The following MAP7 variants were observed in gnomAD, a reference collection of about 807,000 sequenced individuals.
The protein encoded by MAP7 is ensconsin.
A neutral mutation model predicts 94.8 loss-of-function variants in MAP7; 52 were observed. The ratio of observed to expected loss-of-function variants is 0.55; its 90% CI spans 0.44 to 0.69. The LOEUF is 0.69. Ranked by LOEUF, MAP7 falls within the 30% of genes least tolerant of loss-of-function variation. The probability of loss-of-function intolerance (pLI) is 0.00; values close to 1 mark genes in which losing one functional copy is unlikely to be tolerated. For synonymous variants in MAP7, 350 were observed against 357.0 expected (o/e 0.98, Z 0.22); for missense variants, 940 against 964.6 (o/e 0.97, Z 0.34).
At chr6:136,363,359 T>C (rs1793380554) in intron 10 of MAP7, among the ~76,000 whole-genome samples, 1 of 152,236 alleles carries the variant, frequency 6.6e-6, no homozygotes, top group African/African-American at 2.4e-5. Flanking sequence ...AGCCCCACAC[T>C]GATGCTCACA....
chr6:136,397,617 C>T (rs377571856), intron 3 of MAP7, among the ~76,000 whole-genome samples: 51 of 152,034 alleles, frequency 3.4e-4, no homozygotes, highest in African/African-American at 1.1e-3. Context: ...AGATGGCACC[C>T]TAACCTAACA....
chr6:136,445,391 G>A (rs1329009174), intron 1 of MAP7, among the ~76,000 whole-genome samples: 2 of 152,084 alleles, frequency 1.3e-5, no homozygotes, highest in East Asian at 3.9e-4. Context: ...ACTGTCCCTA[G>A]CCCAGATCCC....
At chr6:136,410,601 A>C (rs1787147555) in intron 3 of MAP7, among the ~76,000 whole-genome samples, 2 of 152,236 alleles carry the variant, frequency 1.3e-5, no homozygotes, top group African/African-American at 4.8e-5. Context: ...ATGCCTAAAA[A>C]ACCTCAGAAG....
At chr6:136,366,085 C>T (rs1419876038) in intron 9 of MAP7, 67 bp from the exon 10 acceptor site, 12 of 1,494,750 alleles carry the variant, frequency 8.0e-6, no homozygotes, top group South Asian at 1.2e-5. Context: ...GAACCTAGAA[C>T]ACGACTCGAT....
chr6:136,437,456 C>T lies in MAP7; in HGVS notation c.68-15657G>A, dbSNP rs796615525. ...TTCTTTCCCTAGGGTACAGCTAACA[C>T]CGGTTCCATCAGGAGCTCCCGAAAG... On this transcript the variant is annotated intron_variant, in intron 1 of 17. Transcript: ENST00000354570. Among the ~76,000 whole-genome samples, 5 of 152,178 alleles carry T rather than the reference C, an allele frequency of 3.3e-5. No homozygotes were observed. The South Asian group carries it at 8.3e-4, about 25-fold the overall frequency.
At chr6:136,418,371 T>C (rs1427329987) in intron 2 of MAP7, among the ~76,000 whole-genome samples, 1 of 152,132 alleles carries the variant, frequency 6.6e-6, no homozygotes, top group Non-Finnish European at 1.5e-5. Flanking sequence ...CGCACTACCA[T>C]GCCTGGCTAA....
At chr6:136,504,431 C>A (rs1171325250) in intron 1 of MAP7, among the ~76,000 whole-genome samples, 1 of 152,046 alleles carries the variant, frequency 6.6e-6, no homozygotes, top group Non-Finnish European at 1.5e-5. Flanking sequence ...TCACTGCAAC[C>A]TCCACGTCCT....
chr6:136,413,937 TA>T (rs1788339463), intron 2 of MAP7, among the ~76,000 whole-genome samples: 1 of 151,836 alleles, frequency 6.6e-6, no homozygotes, highest in South Asian at 2.1e-4. Flanking sequence ...TGAACAAGAC[TA>T]GGGGATGGTT....
intron 7 of MAP7, among the ~76,000 whole-genome samples, chr6:136,375,652 C>A (rs1454596950): frequency 2.6e-5 from 4 of 152,114 alleles, no homozygotes; most frequent in Non-Finnish European, 5.9e-5. Context: ...TTTTAAAAAA[C>A]CCCAGGAATT....
chr6:136,493,121 CTTT>C (rs397795796), intron 1 of MAP7, among the ~76,000 whole-genome samples: 2 of 123,334 alleles, frequency 1.6e-5, no homozygotes, highest in Non-Finnish European at 1.7e-5. Flanking sequence ...TTCTTCTTTC[CTTT>C]TTTTTTTTTT....
intron 1 of MAP7, among the ~76,000 whole-genome samples, chr6:136,505,291 A>G (rs1355621642): frequency 8.6e-4 from 110 of 127,498 alleles, no homozygotes; most frequent in Non-Finnish European, 1.3e-3. Context: ...ATATATATAT[A>G]TATATATATA....
intron 8 of MAP7, among the ~76,000 whole-genome samples, chr6:136,368,170 G>A (rs993083954): frequency 6.6e-6 from 1 of 151,790 alleles, no homozygotes; most frequent in East Asian, 1.9e-4. Context: ...AAAAACACTC[G>A]ATACTTAACA....
chr6:136,498,965 G>A (rs1462869742), intron 1 of MAP7, among the ~76,000 whole-genome samples: 1 of 152,052 alleles, frequency 6.6e-6, no homozygotes, highest in Non-Finnish European at 1.5e-5. Context: ...CTGGAGTGCA[G>A]TGGCATGATT....
chr6:136,365,876 C>T lies in MAP7; in HGVS notation c.1132G>A (p.Val378Met), dbSNP rs1794163780. The change falls in exon 10 of 18, where the codon GTG becomes ATG. Residue 378 changes from valine (V) to methionine (M), a missense_variant. Coordinates refer to ENST00000354570, the MANE Select transcript of MAP7 (RefSeq NM_003980.6). ...NIRPVKREVK[V>M]EPEKKDPEKE... ...TCAGGATCTTTCTTCTCAGGCTCCA[C>T]TTTGACTTCCCTCTTGACAGGGCGG... 1 of 1,614,158 alleles carries T rather than the reference C, an allele frequency of 6.2e-7. No individual in the cohort carries two copies.
chr6:136,471,183 T>C (rs1004999986), intron 1 of MAP7, among the ~76,000 whole-genome samples: 3 of 152,170 alleles, frequency 2.0e-5, no homozygotes, highest in Non-Finnish European at 4.4e-5. Flanking sequence ...AAAGCACACA[T>C]ACAATATACA....
At chr6:136,517,875 CG>C (rs1294621248) in intron 1 of MAP7, among the ~76,000 whole-genome samples, 1 of 152,128 alleles carries the variant, frequency 6.6e-6, no homozygotes, top group African/African-American at 2.4e-5. Flanking sequence ...AGTTCTAAAT[CG>C]GGGCTCAGAG....
intron 1 of MAP7, among the ~76,000 whole-genome samples, chr6:136,457,154 T>C (rs1344952320): frequency 6.6e-6 from 1 of 150,850 alleles, no homozygotes; most frequent in Admixed American, 6.6e-5. Flanking sequence ...CATAAAAGGC[T>C]ACTATGAACA....
At chr6:136,491,680 C>T (rs1303564946) in intron 1 of MAP7, among the ~76,000 whole-genome samples, 1 of 152,156 alleles carries the variant, frequency 6.6e-6, no homozygotes, top group Non-Finnish European at 1.5e-5. Context: ...TAATGTGAGT[C>T]TAACACTCAA....
chr6:136,517,180 C>T (rs1825113987), intron 1 of MAP7, among the ~76,000 whole-genome samples: 3 of 152,174 alleles, frequency 2.0e-5, no homozygotes, highest in Non-Finnish European at 4.4e-5. Flanking sequence ...TTACAGGGTA[C>T]TGCATGAGCA....
Sources: gnomAD v4.1 joint callset for allele counts (sites outside exome capture counted in the v4.1 genomes callset) on GRCh38, gnomAD v4.1.1 for gene constraint, MANE v1.5 for transcripts, NCBI Gene and HGNC (gene_info 2026-07-23, HGNC 2026-07-21) for gene names.